The following ZNF688 variants were observed in gnomAD, a reference collection of about 807,000 sequenced individuals.
ZNF688 encodes the protein zinc finger protein 688.
Under a neutral mutation model 13.2 loss-of-function variants are expected in ZNF688, and 10 were observed. The ratio of observed to expected loss-of-function variants is 0.76; its 90% CI spans 0.47 to 1.28. The LOEUF (loss-of-function observed/expected upper bound fraction) is 1.28. Among genes scored for constraint, ZNF688 ranks in the 50% most tolerant of loss-of-function variants. The probability of loss-of-function intolerance (pLI) is 0.00; values close to 1 mark genes in which losing one functional copy is unlikely to be tolerated. For missense variants in ZNF688, 381 were observed against 391.4 expected, an observed-to-expected ratio of 0.97 and a Z score of 0.22; for synonymous variants, 160 against 159.4, an observed-to-expected ratio of 1.00 and a Z score of -0.03.
chr16:30,576,596 G>A (rs531076144), upstream of ZNF688, among the ~76,000 whole-genome samples: 32 of 151,506 alleles, frequency 2.1e-4, no homozygotes, highest in East Asian at 1.9e-4. Flanking sequence ...CAGGTGATCC[G>A]CCCACCTCGG....
At chr16:30,573,935 A>AT, upstream of ZNF688, 1 of 318,718 alleles carries the variant, frequency 3.1e-6, no homozygotes, top group Non-Finnish European at 6.1e-6. Flanking sequence ...AGAAATGAGT[A>AT]TTTTTTAAAT....
At position 30,571,438 on chromosome 16, in the gene ZNF688, C is replaced by T. The variant is rs771261980; in HGVS notation, c.192G>A (p.Ala64=). ...VMQETYGHLG[A]LGFPGPKPAL... ...GCTCGGACCCGGGGCTCTCACCGAG[C>T]GCGCCCAGGTGGCCGTAGGTCTCCT... The change falls in exon 1 of 3, where the codon GCG becomes GCA. Residue 64 remains alanine (A), a synonymous_variant. Coordinates refer to ENST00000223459, the MANE Select transcript of ZNF688 (RefSeq NM_145271.4). 1.3e-6 allele frequency: 2 copies of T among 1,568,060 alleles called. No individual in the cohort carries two copies. The highest frequency in any genetic ancestry group is 3.7e-5 in the Admixed American group (2 of 53,360).
chr16:30,570,262 G>T lies in ZNF688; in HGVS notation c.485C>A (p.Thr162Asn). The stretch of plus-strand genomic sequence containing the variant: ...GGGTGCCGGGGGCTGTGCTCCTGTG[G>T]TCGGGTCCCAGGCAGCATTTTTGGG... ...QPPKNAAWDP[T>N]TGAQPPAPIP... The change falls in exon 3 of 3, where the codon ACC becomes AAC. Residue 162 changes from threonine (T) to asparagine (N), a missense_variant. Transcript: ENST00000223459. 6.2e-7 allele frequency: 1 copy of T among 1,613,824 alleles called. No homozygotes were observed. Among genetic ancestry groups the T allele is most frequent in the East Asian group, 2.2e-5 (1 of 44,882 alleles).
chr16:30,571,401 AAGG>A (rs1567514663), intron 1 of ZNF688, 30 bp downstream of exon 1: 1 of 1,546,656 alleles, frequency 6.5e-7, no homozygotes, highest in Non-Finnish European at 8.7e-7. Context: ...GAACCCGGTG[AAGG>A]AGGAGGGGGC....
chr16:30,570,331 T>C lies in ZNF688; in HGVS notation c.416A>G (p.Asn139Ser), dbSNP rs1462129797. 6.2e-7 allele frequency: 1 copy of C among 1,614,126 alleles called. No individual in the cohort carries two copies. Among genetic ancestry groups the C allele is most frequent in the East Asian group, 2.2e-5 (1 of 44,888 alleles). ...GGCCACGCTAATAGCTGGGTCAGGGTTGCGTTCCACCAGCACTTCAGGACT... is the reference window on the plus strand; with the variant it reads ...GGCCACGCTAATAGCTGGGTCAGGGCTGCGTTCCACCAGCACTTCAGGACT... ...KESPEVLVERNPDPAISVAPA... is the reference protein window; with the variant it reads ...KESPEVLVERSPDPAISVAPA... Residue 139 changes from asparagine (N) to serine (S), a missense_variant, in exon 3 of 3, where the codon AAC (asparagine) becomes AGC (serine). Transcript: ENST00000223459.
chr16:30,572,443 TC>T, upstream of ZNF688: 1 of 676,100 alleles, frequency 1.5e-6, no homozygotes, highest in Non-Finnish European at 2.1e-6. Context: ...AGCTGCGGAG[TC>T]CACCCAGCCC....
chr16:30,571,422 C>T lies in ZNF688; in HGVS notation c.196+12G>A, dbSNP rs1022677204. Reference sequence around the variant, plus strand: ...GGTGAAGGAGGAGGGGGCTCGGACCCGGGGCTCTCACCGAGCGCGCCCAGG... The same window carrying T: ...GGTGAAGGAGGAGGGGGCTCGGACCTGGGGCTCTCACCGAGCGCGCCCAGG... On this transcript the variant is annotated intron_variant, in intron 1 of 2. Transcript: ENST00000223459. The T allele has an allele frequency of 6.4e-6, 10 of 1,557,254 alleles. No individual in the cohort carries two copies. The highest frequency in any genetic ancestry group is 2.7e-5 in the African/African-American group (2 of 73,400).
upstream of ZNF688, among the ~76,000 whole-genome samples, chr16:30,573,296 C>T (rs1365866996): frequency 6.6e-6 from 1 of 152,080 alleles, no homozygotes; most frequent in Non-Finnish European, 1.5e-5. Context: ...GGAAACCTTC[C>T]TCCTTTAGCC....
At position 30,571,007 on chromosome 16, in the gene ZNF688, C is replaced by T; in HGVS notation, c.310+3G>A. On this transcript the variant is annotated splice_donor_region_variant and intron_variant, in intron 2 of 2. Transcript: ENST00000223459. ...AGTGGGGGGACCCGGGACTATCCCTCACCTCTCCGAGCTCCTCCCAGTCTT... is the reference window on the plus strand; with the variant it reads ...AGTGGGGGGACCCGGGACTATCCCTTACCTCTCCGAGCTCCTCCCAGTCTT... 1 of 1,613,878 alleles carries T rather than the reference C, an allele frequency of 6.2e-7. No individual in the cohort carries two copies. The highest frequency in any genetic ancestry group is 8.5e-7 in the Non-Finnish European group (1 of 1,179,934).
upstream of ZNF688, chr16:30,572,528 G>A (rs2051703131): frequency 7.5e-6 from 3 of 399,398 alleles, no homozygotes; most frequent in East Asian, 3.7e-5. Context: ...GGTGAGGATG[G>A]AATCGGAATG....
At position 30,569,805 on chromosome 16, in the gene ZNF688, A is replaced by G. The variant is rs2051641735; in HGVS notation, c.*111T>C. 7.5e-7 allele frequency: 1 copy of G among 1,340,224 alleles called. No individual in the cohort carries two copies. The highest frequency in any genetic ancestry group is 1.9e-5 in the South Asian group (1 of 53,628). 83.0% of individuals were successfully genotyped at this position (1,340,224 alleles called of 1,614,324 possible). On this transcript the variant is annotated 3_prime_UTR_variant, in exon 3 of 3. Coordinates refer to ENST00000223459, the MANE Select transcript of ZNF688 (RefSeq NM_145271.4). ...TTGGAAACTTGAGGGATCCTTGAGG[A>G]AAGCCCAGGGCATGAATTTCAGTTC...
At chr16:30,572,406 A>G (rs190691962), upstream of ZNF688, 1,289 of 1,060,502 alleles carry the variant, frequency 1.2e-3, 2 homozygotes, top group Non-Finnish European at 1.5e-3. Flanking sequence ...CCCGCGGTAG[A>G]AGCAGGTGCG....
chr16:30,571,009 C>A lies in ZNF688; in HGVS notation c.310+1G>T, dbSNP rs766386255. 2 of 1,613,874 alleles carry A rather than the reference C, an allele frequency of 1.2e-6. No individual in the cohort carries two copies. On this transcript the variant is annotated splice_donor_variant, in intron 2 of 2. Transcript: ENST00000223459. LOFTEE classifies it high-confidence loss of function. Reference sequence around the variant, plus strand: ...TGGGGGGACCCGGGACTATCCCTCACCTCTCCGAGCTCCTCCCAGTCTTTC... The same window carrying A: ...TGGGGGGACCCGGGACTATCCCTCAACTCTCCGAGCTCCTCCCAGTCTTTC...
At position 30,571,087 on chromosome 16, in the gene ZNF688, A is replaced by G; in HGVS notation, c.233T>C (p.Met78Thr). 6.3e-7 allele frequency: 1 copy of G among 1,597,986 alleles called. No individual in the cohort carries two copies. The highest frequency in any genetic ancestry group is 1.1e-5 in the South Asian group (1 of 89,890). The change falls in exon 2 of 3, where the codon ATG becomes ACG. Residue 78 changes from methionine (M) to threonine (T), a missense_variant. Transcript: ENST00000223459. ...PGPKPALISWMEQESEAWSPA... is the reference protein window; with the variant it reads ...PGPKPALISWTEQESEAWSPA... The stretch of plus-strand genomic sequence containing the variant: ...GCTCCAAGCCTCACTCTCCTGTTCC[A>G]TCCAAGAGATGAGGGCTGGTTTGGG...
upstream of ZNF688, among the ~76,000 whole-genome samples, chr16:30,576,002 GTCT>G (rs2051742644): frequency 6.6e-6 from 1 of 152,084 alleles, no homozygotes; most frequent in South Asian, 2.1e-4. Context: ...GTCATGTTTT[GTCT>G]TCTTAATAAC....
upstream of ZNF688, among the ~76,000 whole-genome samples, chr16:30,575,439 G>GT (rs1469251162): frequency 6.6e-6 from 1 of 151,826 alleles, no homozygotes; most frequent in Non-Finnish European, 1.5e-5. Context: ...TAGAGAAGGG[G>GT]TTTTGCCATG....
At chr16:30,574,128 T>A (rs917572001), upstream of ZNF688, among the ~76,000 whole-genome samples, 2 of 152,002 alleles carry the variant, frequency 1.3e-5, no homozygotes, top group Non-Finnish European at 2.9e-5. Context: ...ACACCTGTAG[T>A]CCCAGCTACT....
At chr16:30,572,589 TTTTG>T (rs1314043829), upstream of ZNF688, 24 of 247,926 alleles carry the variant, frequency 9.7e-5, no homozygotes, top group East Asian at 1.7e-3. Context: ...TGAATTTATT[TTTTG>T]TTTGTTTTGA....
rs2151231772 is a variant in ZNF688, at chr16:30,571,581, G to A, written c.49C>T (p.Arg17Trp). The change falls in exon 1 of 3, where the codon CGG (arginine) becomes TGG (tryptophan). Residue 17 changes from arginine (R) to tryptophan (W), a missense_variant. Arg to Trp is a moderately radical substitution (Grantham distance 101, BLOSUM62 -3). Transcript: ENST00000223459. The stretch of plus-strand genomic sequence containing the variant: ...GTCCCGGGCTTCCTGCAACCAGGCC[G>A]GGTCTCCCCGGGCCTCGGCGCCAGG... ...PLLAPRPGET[R>W]PGCRKPGTVS... 1.3e-6 allele frequency: 2 copies of A among 1,554,972 alleles called. No homozygotes were observed. Among genetic ancestry groups the A allele is most frequent in the Non-Finnish European group, 8.7e-7 (1 of 1,151,280 alleles).
Sources: allele counts gnomAD v4.1 joint callset (sites outside exome capture counted in the v4.1 genomes callset), GRCh38; gene constraint gnomAD v4.1.1; transcripts MANE v1.5; gene names NCBI Gene and HGNC (gene_info 2026-07-23, HGNC 2026-07-21).